HNMT: variants seen among roughly 807,000 people sequenced by gnomAD.
HNMT encodes histamine N-methyltransferase.
Under a neutral mutation model 32.1 loss-of-function variants are expected in HNMT, and 30 were observed. The ratio of observed to expected loss-of-function variants is 0.93; its 90% CI spans 0.70 to 1.27. The LOEUF (loss-of-function observed/expected upper bound fraction) is 1.27. Among genes scored for constraint, HNMT ranks in the 50% most tolerant of loss-of-function variants. The pLI is 0.00. For missense variants in HNMT, 327 were observed against 346.0 expected, an observed-to-expected ratio of 0.95 and a Z score of 0.43; for synonymous variants, 125 against 119.0, an observed-to-expected ratio of 1.05 and a Z score of -0.33.
chr2:137,999,880 T>G (rs1038145919), intron 2 of HNMT, among the ~76,000 whole-genome samples: 1 of 150,942 alleles, frequency 6.6e-6, no homozygotes, highest in Non-Finnish European at 1.5e-5. Flanking sequence ...CCCTCACAAC[T>G]AATAAATTAA....
intron 2 of HNMT, among the ~76,000 whole-genome samples, chr2:137,980,276 A>T (rs1680449477): frequency 6.6e-6 from 1 of 152,102 alleles, no homozygotes; most frequent in African/African-American, 2.4e-5. Flanking sequence ...TGACCTCATG[A>T]TCCTCCCATC....
rs1051441248 is a variant in HNMT at position 138,005,207 on chromosome 2, C to T, written c.505C>T (p.Leu169Phe). The T allele has an allele frequency of 1.3e-6, 2 of 1,592,624 alleles. No individual in the cohort carries two copies. Among genetic ancestry groups the T allele is most frequent in the Non-Finnish European group, 1.7e-6 (2 of 1,161,318 alleles). ...TCTCTTAGGTACCAATGCTAAGATG[C>T]TCATTATTGTTGTGTCAGGTAAGTT... ...HSLLGTNAKM[L>F]IIVVSGSSGW... Residue 169 changes from leucine (L) to phenylalanine (F), a missense_variant, in exon 5 of 6, where the codon CTC becomes TTC. Physicochemically the swap from Leu to Phe is conservative, Grantham distance 22 (BLOSUM62 0). Transcript: ENST00000280097.
chr2:137,999,407 C>T (rs1184701004), intron 2 of HNMT, among the ~76,000 whole-genome samples: 1 of 152,100 alleles, frequency 6.6e-6, no homozygotes, highest in Non-Finnish European at 1.5e-5. Context: ...ACTCTCCCTC[C>T]TTCCCTCCAC....
At chr2:137,964,726 G>A in intron 1 of HNMT, 98 bp downstream of exon 1, 1 of 1,227,924 alleles carries the variant, frequency 8.1e-7, no homozygotes, top group Non-Finnish European at 1.2e-6. Flanking sequence ...TGGGCACAGG[G>A]ATAAGGGCGA....
rs145500523 is a variant in HNMT, at chr2:137,992,988, A to G, written c.191-7930A>G. ...GAAAGAAAAAAAACAAGCAGAAAGC[A>G]ACAACAACAGCATCAACAACAAGAA... On this transcript the variant is annotated intron_variant, in intron 2 of 5. Coordinates refer to ENST00000280097, the MANE Select transcript of HNMT (RefSeq NM_006895.3). Among the ~76,000 whole-genome samples the G allele has an allele frequency of 6.6e-5, 10 of 152,312 alleles. No homozygotes were observed. The East Asian group carries it at 1.9e-3, about 29-fold the overall frequency.
chr2:137,976,905 A>C (rs1443368104), intron 2 of HNMT, among the ~76,000 whole-genome samples: 2 of 152,200 alleles, frequency 1.3e-5, no homozygotes, highest in Non-Finnish European at 2.9e-5. Context: ...GATTCAAGAG[A>C]AGGGAGCATA....
chr2:137,984,550 A>G (rs1158887256), intron 2 of HNMT, among the ~76,000 whole-genome samples: 1 of 152,252 alleles, frequency 6.6e-6, no homozygotes, highest in East Asian at 1.9e-4. Context: ...CTGGCATATA[A>G]TGGATCCTTA....
At chr2:137,995,369 C>G (rs1680960652) in intron 2 of HNMT, among the ~76,000 whole-genome samples, 1 of 152,142 alleles carries the variant, frequency 6.6e-6, no homozygotes. Context: ...AAACTACCAT[C>G]AGAGAATACT....
intron 2 of HNMT, chr2:137,992,005 A>G (rs1265807430): frequency 1.4e-5 from 2 of 144,782 alleles, no homozygotes; most frequent in Non-Finnish European, 3.0e-5. Flanking sequence ...TGAGAGCCAC[A>G]TGGAGTGGGG....
At chr2:137,990,959 C>G (rs1374185509) in intron 2 of HNMT, among the ~76,000 whole-genome samples, 1 of 152,142 alleles carries the variant, frequency 6.6e-6, no homozygotes, top group African/African-American at 2.4e-5. Flanking sequence ...TTTCAGACAC[C>G]AGTTGCAAGT....
chr2:137,973,945 T>G (rs1282059446), intron 2 of HNMT, among the ~76,000 whole-genome samples: 1 of 152,128 alleles, frequency 6.6e-6, no homozygotes, highest in East Asian at 1.9e-4. Flanking sequence ...GGCACTTCAG[T>G]TTAGATGCGA....
intron 5 of HNMT, among the ~76,000 whole-genome samples, chr2:138,013,525 C>T (rs1681573280): frequency 6.6e-6 from 1 of 152,134 alleles, no homozygotes; most frequent in Non-Finnish European, 1.5e-5. Flanking sequence ...ACTCTGCGAC[C>T]ACCCTAGTTA....
rs532883986 is a variant in HNMT, at chr2:138,016,073, C to T, written c.*1943C>T. ...AACCTATCCCTGTTTTCTTCCTGCA[C>T]TGTATGATAATACCAAAATTTGGGA... On this transcript the variant is annotated 3_prime_UTR_variant, in exon 6 of 6. Coordinates refer to ENST00000280097, the MANE Select transcript of HNMT (RefSeq NM_006895.3). 4.5e-4 allele frequency: 69 copies of T among 152,220 alleles called. No homozygotes were observed. The highest frequency in any genetic ancestry group is 1.5e-3 in the African/African-American group (62 of 41,552). The allele number at this position is 152,220 out of a possible 1,614,324, so 9.4% of individuals were successfully genotyped here.
intron 2 of HNMT, among the ~76,000 whole-genome samples, chr2:137,997,527 ATGCT>A (rs1175078399): frequency 1.3e-5 from 2 of 152,198 alleles, no homozygotes; most frequent in African/African-American, 4.8e-5. Flanking sequence ...GAAACAATAG[ATGCT>A]GGCAAAGCCG....
chr2:138,006,999 T>C (rs1208147254), intron 5 of HNMT, among the ~76,000 whole-genome samples: 1 of 152,094 alleles, frequency 6.6e-6, no homozygotes, highest in East Asian at 1.9e-4. Flanking sequence ...TTTCTCAATA[T>C]GCAGTTAACA....
At chr2:137,975,073 T>G (rs1680246499) in intron 2 of HNMT, among the ~76,000 whole-genome samples, 1 of 152,194 alleles carries the variant, frequency 6.6e-6, no homozygotes, top group Non-Finnish European at 1.5e-5. Context: ...CAAATTGTAC[T>G]AAACAGATTT....
chr2:137,991,171 A>G (rs1366673004), intron 2 of HNMT, among the ~76,000 whole-genome samples: 2 of 152,230 alleles, frequency 1.3e-5, no homozygotes, highest in East Asian at 3.9e-4. Flanking sequence ...CAGAGCTTTC[A>G]TGCTCTGCCT....
chr2:138,004,768 C>T (rs1187130427), intron 4 of HNMT, among the ~76,000 whole-genome samples: 2 of 151,996 alleles, frequency 1.3e-5, no homozygotes, highest in Non-Finnish European at 2.9e-5. Context: ...GTGCCAGAAC[C>T]ATTTTCTCCC....
chr2:137,976,274 A>C (rs1227335238), intron 2 of HNMT, among the ~76,000 whole-genome samples: 7 of 28,062 alleles, frequency 2.5e-4, no homozygotes, highest in Non-Finnish European at 6.3e-4. Context: ...TCAAAAAAAC[A>C]AAAAACAAAA....
Sources: allele counts gnomAD v4.1 joint callset (sites outside exome capture counted in the v4.1 genomes callset), GRCh38; gene constraint gnomAD v4.1.1; transcripts MANE v1.5; gene names NCBI Gene and HGNC (gene_info 2026-07-23, HGNC 2026-07-21).